TTC23L: variants seen among roughly 807,000 people sequenced by gnomAD.
TTC23L encodes tetratricopeptide repeat domain 23 like, also known as tetratricopeptide repeat protein 23-like.
TTC23L carries 42 observed loss-of-function variants against 48.1 expected under a neutral mutation model. The ratio of observed to expected loss-of-function variants is 0.87; its 90% confidence interval spans 0.68 to 1.13. TTC23L has a LOEUF of 1.13. Ranked by LOEUF, TTC23L falls within the 50% of genes most tolerant of loss-of-function variation. TTC23L has a pLI of 0.00. For synonymous variants in TTC23L, 159 were observed against 157.2 expected (o/e 1.01, Z -0.09); for missense variants, 391 against 421.0 (o/e 0.93, Z 0.62).
chr5:34,893,170 G>A (rs1407744758), intron 9 of TTC23L, among the ~76,000 whole-genome samples: 2 of 152,154 alleles, frequency 1.3e-5, no homozygotes, highest in Non-Finnish European at 2.9e-5. Flanking sequence ...CAGACCGTGG[G>A]ACCAGTCAGA....
In TTC23L at chr5:34,862,009, T is replaced by C. The variant is rs190644103; in HGVS notation, c.380-889T>C. The stretch of plus-strand genomic sequence containing the variant: ...CCTTTCACCCTTCATGCAATGCATA[T>C]TTGAGGGGAACCTGGTGCTAAATCA... On this transcript the variant is annotated intron_variant, in intron 4 of 10. Coordinates refer to ENST00000505624, the Ensembl canonical transcript of TTC23L. Among the ~76,000 whole-genome samples the C allele has an allele frequency of 1.7e-3, 259 of 152,284 alleles. 1 individual carries two copies. Among genetic ancestry groups the C allele is most frequent in the Middle Eastern group, 3.4e-3 (1 of 294 alleles).
At chr5:34,859,840 C>CTTTTTTTTTTT (rs10590697) in intron 4 of TTC23L, among the ~76,000 whole-genome samples, 48 of 95,352 alleles carry the variant, frequency 5.0e-4, no homozygotes, top group Non-Finnish European at 6.1e-4. Flanking sequence ...TTTTCTTCTT[C>CTTTTTTTTTTT]TTTTTTTTTT....
At chr5:34,922,084 A>G in the TTC23L span, 2 of 470,706 alleles carry the variant, frequency 4.2e-6, no homozygotes. Context: ...GAATAAATAC[A>G]TGTTTAGGCC....
intron 2 of TTC23L, 63 bp from the exon 3 acceptor site, chr5:34,845,424 A>AT: frequency 6.5e-7 from 1 of 1,537,572 alleles, no homozygotes; most frequent in South Asian, 1.3e-5. Context: ...ATGCCCTTCA[A>AT]TTTTACCTTG....
chr5:34,920,773 G>C, the TTC23L span: 2 of 152,050 alleles, frequency 1.3e-5, no homozygotes, highest in African/African-American at 4.8e-5. Flanking sequence ...AAGCCCAGAA[G>C]TGGCACAAAC....
intron 2 of TTC23L, among the ~76,000 whole-genome samples, chr5:34,843,234 C>T (rs1364506391): frequency 6.6e-6 from 1 of 152,144 alleles, no homozygotes; most frequent in African/African-American, 2.4e-5. Context: ...TAATTTATAT[C>T]GAACATTACT....
the TTC23L span, chr5:34,914,927 TG>T: frequency 6.2e-7 from 1 of 1,608,726 alleles, no homozygotes; most frequent in Non-Finnish European, 8.5e-7. Context: ...GGGATGCTCC[TG>T]GGGCCAACAA....
chr5:34,925,348 T>G, the TTC23L span: 1 of 1,614,058 alleles, frequency 6.2e-7, no homozygotes, highest in Non-Finnish European at 8.5e-7. Context: ...CCACTGCAGA[T>G]GTTTTTGTAA....
chr5:34,874,560 A>G (rs1580462809), intron 8 of TTC23L, among the ~76,000 whole-genome samples: 1 of 152,108 alleles, frequency 6.6e-6, no homozygotes, highest in Non-Finnish European at 1.5e-5. Context: ...GAAATGCTCA[A>G]TTTAACAACA....
the TTC23L span, chr5:34,915,636 G>C: frequency 7.2e-7 from 1 of 1,387,676 alleles, no homozygotes; most frequent in Non-Finnish European, 9.5e-7. Flanking sequence ...CCTGGAGGAC[G>C]ACCGCGGAGC....
the TTC23L span, chr5:34,914,945 G>A: frequency 3.1e-5 from 50 of 1,595,716 alleles, no homozygotes; most frequent in South Asian, 5.5e-4. Flanking sequence ...ACAACTTCTC[G>A]GCGGATCGCC....
chr5:34,863,231 T>C lies in TTC23L; in HGVS notation c.536+177T>C, dbSNP rs765790391. ...TAGAAGGGTGTGTATTCTCTTCCTA[T>C]GTCTATTCATATAAGCTCTGAGTTG... On this transcript the variant is annotated intron_variant, in intron 5 of 10. Coordinates refer to ENST00000505624, the Ensembl canonical transcript of TTC23L. This position sits in a 1 kb window ranked among gnomAD's most constrained non-coding sequence, Gnocchi z 4.1. Among the ~76,000 whole-genome samples the C allele has an allele frequency of 2.0e-5, 3 of 152,174 alleles. No individual in the cohort carries two copies. Among genetic ancestry groups the C allele is most frequent in the Non-Finnish European group, 2.9e-5 (2 of 68,024 alleles).
chr5:34,913,184 A>G, the TTC23L span, among the ~76,000 whole-genome samples: 1 of 152,236 alleles, frequency 6.6e-6, no homozygotes, highest in East Asian at 1.9e-4. Context: ...TCACAATGCT[A>G]AAAATATTTA....
At chr5:34,858,289 C>G (rs947274637) in intron 4 of TTC23L, among the ~76,000 whole-genome samples, 1 of 152,056 alleles carries the variant, frequency 6.6e-6, no homozygotes, top group African/African-American at 2.4e-5. Flanking sequence ...AATAATAAAT[C>G]TTATATACAG....
chr5:34,894,230 C>T (rs968518232), intron 9 of TTC23L, among the ~76,000 whole-genome samples: 1 of 151,926 alleles, frequency 6.6e-6, no homozygotes, highest in Admixed American at 6.6e-5. Flanking sequence ...CAAATATACA[C>T]CTATACATAC....
the TTC23L span, chr5:34,913,858 T>G: frequency 2.1e-6 from 1 of 481,638 alleles, no homozygotes; most frequent in Non-Finnish European, 4.0e-6. Context: ...GACTTGATAA[T>G]GCATGAGCAA....
At chr5:34,919,757 T>C in the TTC23L span, 1 of 446,122 alleles carries the variant, frequency 2.2e-6, no homozygotes, top group Non-Finnish European at 4.1e-6. Flanking sequence ...CACTTTATTT[T>C]CTGGATAGCA....
chr5:34,864,692 C>A, intron 6 of TTC23L, 130 bp downstream of exon 6: 1 of 1,179,662 alleles, frequency 8.5e-7, no homozygotes, highest in Non-Finnish European at 1.1e-6. Flanking sequence ...CTCATATTTA[C>A]CAAATGGATA....
the TTC23L span, chr5:34,908,021 G>A: frequency 6.6e-6 from 1 of 152,162 alleles, no homozygotes; most frequent in Non-Finnish European, 1.5e-5. Flanking sequence ...TCTGATGTTG[G>A]TGCGGGCACA....
Sources: allele counts gnomAD v4.1 joint callset (sites outside exome capture counted in the v4.1 genomes callset), GRCh38; gene constraint gnomAD v4.1.1; non-coding constraint Gnocchi (gnomAD v3.1); transcripts MANE v1.5; gene names NCBI Gene and HGNC (gene_info 2026-07-23, HGNC 2026-07-21).